FILIP1L: variants seen among roughly 807,000 people sequenced by gnomAD.
FILIP1L encodes filamin A interacting protein 1 like, also known as filamin A-interacting protein 1-like.
A neutral mutation model predicts 96.6 loss-of-function variants in FILIP1L; 55 were observed. The ratio of observed to expected loss-of-function variants is 0.57; its 90% CI spans 0.46 to 0.71. The LOEUF (loss-of-function observed/expected upper bound fraction) is 0.71. Among genes scored for constraint, FILIP1L ranks in the 30% least tolerant of loss-of-function variants. The probability of loss-of-function intolerance (pLI) is 0.00; values close to 1 mark genes in which losing one functional copy is unlikely to be tolerated. For synonymous variants in FILIP1L, 467 were observed against 473.9 expected (o/e 0.99, Z 0.19); for missense variants, 1,304 against 1,321.2 (o/e 0.99, Z 0.20).
In FILIP1L at chr3:99,958,203, C is replaced by CATTATT. The variant is rs71688408; in HGVS notation, c.-10-27179_-10-27174dup. Among the ~76,000 whole-genome samples, 728 of 132,696 alleles carry CATTATT rather than the reference C, an allele frequency of 5.5e-3. 5 individuals carry two copies. Among genetic ancestry groups the CATTATT allele is most frequent in the East Asian group, 0.012 (56 of 4,530 alleles). 87.1% of individuals were successfully genotyped at this position (132,696 alleles called of 152,430 possible). ...TCACCTAGGTATTAAGCCCTGCATG[C>CATTATT]ATTATTATTATTATTATTATTATTA... On this transcript the variant is annotated intron_variant, in intron 1 of 5. Coordinates refer to ENST00000477258, the MANE Select transcript of FILIP1L (RefSeq NM_001387850.1).
chr3:100,028,786 A>G (rs1293451859), intron 1 of FILIP1L, among the ~76,000 whole-genome samples: 1 of 152,162 alleles, frequency 6.6e-6, no homozygotes, highest in Non-Finnish European at 1.5e-5. Context: ...TCTTAAGAAG[A>G]GTTGACTCTG....
intron 4 of FILIP1L, among the ~76,000 whole-genome samples, chr3:99,888,749 A>G (rs929036939): frequency 3.3e-5 from 5 of 152,220 alleles, no homozygotes; most frequent in African/African-American, 1.2e-4. Context: ...TCTTCCAGCA[A>G]AAGAAATTCT....
intron 1 of FILIP1L, chr3:100,010,265 TTAGTAGTA>T: frequency 3.3e-6 from 1 of 307,482 alleles, no homozygotes; most frequent in Non-Finnish European, 4.8e-6. Flanking sequence ...AACATTGTCC[TTAGTAGTA>T]TACTGTGTTC....
intron 1 of FILIP1L, among the ~76,000 whole-genome samples, chr3:99,937,942 G>A (rs190695529): frequency 1.3e-5 from 2 of 152,308 alleles, no homozygotes; most frequent in Non-Finnish European, 2.9e-5. Context: ...CCTGTAGGAA[G>A]GGAGTTGGTA....
intron 4 of FILIP1L, among the ~76,000 whole-genome samples, chr3:99,920,063 AT>A (rs1707076662): frequency 6.6e-6 from 1 of 152,202 alleles, no homozygotes; most frequent in African/African-American, 2.4e-5. Flanking sequence ...CTAGGCCAAG[AT>A]TTTATGAAAA....
chr3:100,067,078 G>A (rs1227909726), intron 1 of FILIP1L, among the ~76,000 whole-genome samples: 1 of 152,194 alleles, frequency 6.6e-6, no homozygotes, highest in East Asian at 1.9e-4. Flanking sequence ...AACTGTCACA[G>A]GGCCACTGAG....
rs147888316 is a variant in FILIP1L, at chr3:99,975,517, G to C, written c.-10-44487C>G. Among the ~76,000 whole-genome samples, 917 of 152,028 alleles carry C rather than the reference G, an allele frequency of 6.0e-3. 9 individuals are homozygous for C. Among genetic ancestry groups the C allele is most frequent in the African/African-American group, 0.021 (864 of 41,438 alleles). On this transcript the variant is annotated intron_variant, in intron 1 of 5. Transcript: ENST00000477258. ...TGAGGCAGGAGAATTGCTTGAACCCGGGAGGCAGACGTTGCAGTGAGCCGA... is the reference window on the plus strand; with the variant it reads ...TGAGGCAGGAGAATTGCTTGAACCCCGGAGGCAGACGTTGCAGTGAGCCGA...
chr3:100,068,623 G>GT (rs893727737), intron 1 of FILIP1L, among the ~76,000 whole-genome samples: 38 of 152,150 alleles, frequency 2.5e-4, no homozygotes, highest in African/African-American at 9.2e-4. Context: ...TGAAACAATA[G>GT]TTTTTTTGTT....
chr3:100,088,972 T>A (rs1198813626), intron 1 of FILIP1L, among the ~76,000 whole-genome samples: 1 of 152,206 alleles, frequency 6.6e-6, no homozygotes, highest in Non-Finnish European at 1.5e-5. Flanking sequence ...TGCATGTACT[T>A]GAATCAATCA....
chr3:100,102,228 G>C (rs796398958), intron 1 of FILIP1L, among the ~76,000 whole-genome samples: 6 of 151,262 alleles, frequency 4.0e-5, no homozygotes, highest in Admixed American at 6.6e-5. Flanking sequence ...CTAGTTTACA[G>C]TCCCATCAAC....
intron 1 of FILIP1L, among the ~76,000 whole-genome samples, chr3:100,099,512 A>G (rs2066267592): frequency 6.6e-6 from 1 of 152,268 alleles, no homozygotes; most frequent in East Asian, 1.9e-4. Context: ...AGGTGATATA[A>G]AAGTATTTGT....
rs1004750150 is a variant in FILIP1L at position 99,909,973 on chromosome 3, C to T, written c.605+14257G>A. Among the ~76,000 whole-genome samples the T allele has an allele frequency of 2.4e-5, 2 of 83,456 alleles. 1 individual carries two copies. Among genetic ancestry groups the T allele is most frequent in the Non-Finnish European group, 6.5e-5 (2 of 30,926 alleles). The allele number at this position is 83,456 out of a possible 152,430, so 54.8% of individuals were successfully genotyped here. On this transcript the variant is annotated intron_variant, in intron 4 of 5. Coordinates refer to ENST00000477258, the MANE Select transcript of FILIP1L (RefSeq NM_001387850.1). ...AAAATGAGTGAGAAATTTCAGTTCTCGGGGCAAAATGTGTATTCAGAGCTG... is the reference window on the plus strand; with the variant it reads ...AAAATGAGTGAGAAATTTCAGTTCTTGGGGCAAAATGTGTATTCAGAGCTG...
chr3:100,093,176 A>G (rs1362603698), intron 1 of FILIP1L, among the ~76,000 whole-genome samples: 3 of 152,116 alleles, frequency 2.0e-5, no homozygotes, highest in Non-Finnish European at 4.4e-5. Flanking sequence ...TCAAAATCAA[A>G]ACAGGGACCT....
At chr3:100,100,937 T>G (rs1376601253) in intron 1 of FILIP1L, among the ~76,000 whole-genome samples, 1 of 152,154 alleles carries the variant, frequency 6.6e-6, no homozygotes. Flanking sequence ...AGCTTCCTTG[T>G]GTGTTAGTGG....
At chr3:99,870,003 T>C (rs1293323546) in intron 4 of FILIP1L, among the ~76,000 whole-genome samples, 3 of 152,216 alleles carry the variant, frequency 2.0e-5, no homozygotes, top group South Asian at 2.1e-4. Context: ...TGTGGACTCT[T>C]TCCCTCAAAT....
At chr3:100,039,821 T>G (rs1192107939) in intron 1 of FILIP1L, 3 of 151,680 alleles carry the variant, frequency 2.0e-5, no homozygotes. Flanking sequence ...TGGCATGATC[T>G]CGGCTCACTG....
intron 4 of FILIP1L, among the ~76,000 whole-genome samples, chr3:99,856,712 C>A (rs1015566780): frequency 6.6e-6 from 1 of 152,096 alleles, no homozygotes; most frequent in Non-Finnish European, 1.5e-5. Context: ...TTGGTACTAA[C>A]CATAATTCTG....
At chr3:99,909,737 A>G (rs995137972) in intron 4 of FILIP1L, among the ~76,000 whole-genome samples, 7 of 152,228 alleles carry the variant, frequency 4.6e-5, no homozygotes, top group African/African-American at 1.4e-4. Flanking sequence ...TAAAGTTGCT[A>G]TCAGTTATAG....
intron 1 of FILIP1L, among the ~76,000 whole-genome samples, chr3:99,965,403 C>T (rs1423922073): frequency 1.3e-5 from 2 of 152,126 alleles, no homozygotes; most frequent in Non-Finnish European, 2.9e-5. Flanking sequence ...CTGCTTCTGG[C>T]GTAGTGTACT....
Sources: allele counts gnomAD v4.1 joint callset (sites outside exome capture counted in the v4.1 genomes callset), GRCh38; gene constraint gnomAD v4.1.1; transcripts MANE v1.5; gene names NCBI Gene and HGNC (gene_info 2026-07-23, HGNC 2026-07-21).